The following LIPA variants were observed in gnomAD, a reference collection of about 807,000 sequenced individuals.
The protein encoded by LIPA is lipase A, lysosomal acid type, also known as lysosomal acid lipase/cholesteryl ester hydrolase.
In LIPA, 26 loss-of-function variants were observed where a neutral mutation model predicts 40.6. That is an observed-to-expected ratio of 0.64 (90% CI 0.47 to 0.89). LIPA has a LOEUF of 0.89. Ranked by LOEUF, LIPA falls within the 40% of genes least tolerant of loss-of-function variation. The pLI is 0.00. For synonymous variants in LIPA, 188 were observed against 168.4 expected, an observed-to-expected ratio of 1.12 and a Z score of -0.90; for missense variants, 455 against 479.6, an observed-to-expected ratio of 0.95 and a Z score of 0.48.
intron 3 of LIPA, among the ~76,000 whole-genome samples, chr10:89,235,324 G>C (rs1310568580): frequency 6.6e-6 from 1 of 152,218 alleles, no homozygotes; most frequent in East Asian, 1.9e-4. Flanking sequence ...GTGGCTCTGG[G>C]AGTTCTGTGC....
chr10:89,295,249 C>T (rs1432672232), intron 1 of LIPA, among the ~76,000 whole-genome samples: 1 of 152,066 alleles, frequency 6.6e-6, no homozygotes, highest in African/African-American at 2.4e-5. Context: ...TCAAGAGAAC[C>T]CACTGGGCTA....
intron 1 of LIPA, among the ~76,000 whole-genome samples, chr10:89,304,341 T>C (rs974831005): frequency 1.3e-5 from 2 of 152,120 alleles, no homozygotes; most frequent in African/African-American, 2.4e-5. Context: ...GAAAAGCTCA[T>C]GTCCAAACAG....
At chr10:89,230,719 G>T (rs1036377566) in intron 3 of LIPA, among the ~76,000 whole-genome samples, 4 of 152,176 alleles carry the variant, frequency 2.6e-5, no homozygotes, top group East Asian at 1.9e-4. Flanking sequence ...TCCCTGAAGA[G>T]TAGAAATGAT....
At chr10:89,351,366 T>A (rs1843957850) in intron 2 of LIPA, among the ~76,000 whole-genome samples, 1 of 152,134 alleles carries the variant, frequency 6.6e-6, no homozygotes, top group Non-Finnish European at 1.5e-5. Context: ...CCTACAATCA[T>A]AAATATGTAA....
chr10:89,284,548 A>T (rs936297054), intron 1 of LIPA: 13 of 152,210 alleles, frequency 8.5e-5, no homozygotes, highest in Non-Finnish European at 1.8e-4. Flanking sequence ...TAATAAAAAG[A>T]TTAGAATCAT....
intron 2 of LIPA, among the ~76,000 whole-genome samples, chr10:89,380,035 A>C (rs1844151274): frequency 7.3e-6 from 1 of 137,574 alleles, no homozygotes; most frequent in Admixed American, 7.1e-5. Flanking sequence ...ACTCCGTCTC[A>C]AAAAAAAAAA....
At chr10:89,324,958 G>T (rs1034518451) in intron 1 of LIPA, among the ~76,000 whole-genome samples, 1 of 152,060 alleles carries the variant, frequency 6.6e-6, no homozygotes, top group African/African-American at 2.4e-5. Context: ...ATTGCAAATA[G>T]TGCCGCAATA....
chr10:89,412,958 C>T (rs112702363), intron 1 of LIPA: 109 of 215,848 alleles, frequency 5.0e-4, no homozygotes, highest in African/African-American at 2.1e-3. Context: ...CCATCACCTA[C>T]GTATTAAGCT....
intron 2 of LIPA, among the ~76,000 whole-genome samples, chr10:89,382,127 T>C (rs1185816847): frequency 6.6e-6 from 1 of 152,108 alleles, no homozygotes; most frequent in Non-Finnish European, 1.5e-5. Context: ...CCATTTTTTG[T>C]GATTAGATTA....
At chr10:89,272,568 T>A (rs964145989) in intron 1 of LIPA, among the ~76,000 whole-genome samples, 1 of 152,234 alleles carries the variant, frequency 6.6e-6, no homozygotes, top group African/African-American at 2.4e-5. Context: ...TACGTGCATG[T>A]GTCTTTATAA....
At chr10:89,306,065 A>G in intron 1 of LIPA, 1 of 1,614,170 alleles carries the variant, frequency 6.2e-7, no homozygotes, top group Non-Finnish European at 8.5e-7. Context: ...TTTTGAAGAC[A>G]AAGTATTTTA....
chr10:89,289,868 A>G (rs1435575748), intron 1 of LIPA, among the ~76,000 whole-genome samples: 5 of 151,776 alleles, frequency 3.3e-5, no homozygotes, highest in Non-Finnish European at 7.4e-5. Context: ...AGCTATCTCC[A>G]CCACACTATC....
chr10:89,221,133 G>A (rs1186013682), intron 8 of LIPA, among the ~76,000 whole-genome samples: 1 of 152,082 alleles, frequency 6.6e-6, no homozygotes, highest in Non-Finnish European at 1.5e-5. Context: ...GTCGATTATG[G>A]TGATGGTTTC....
At position 89,222,514 on chromosome 10, in the gene LIPA, G is replaced by A. The variant is rs145066614; in HGVS notation, c.891C>T (p.Ser297=). The change falls in exon 8 of 10, where the codon AGC becomes AGT. Residue 297 remains serine, a synonymous_variant. Coordinates refer to ENST00000336233, the MANE Select transcript of LIPA (RefSeq NM_000235.4). ...AATGCACTCCTGGAATGCCTACCTG[G>A]CTCCAGTGTAACATGTTTTGCACAG... ...GTSVQNMLHW[S]QAVKFQKFQA... is the part of the protein sequence containing the mutation. The A allele has an allele frequency of 5.9e-4, 941 of 1,603,646 alleles. 2 individuals are homozygous for A. The highest frequency in any genetic ancestry group is 7.5e-4 in the Non-Finnish European group (882 of 1,170,524).
At chr10:89,413,601 T>C (rs972600376) in intron 1 of LIPA, among the ~76,000 whole-genome samples, 1 of 151,988 alleles carries the variant, frequency 6.6e-6, no homozygotes. Context: ...ACCCCGCCTC[T>C]ACAAAAAATA....
chr10:89,312,216 G>A (rs116908003), intron 1 of LIPA, among the ~76,000 whole-genome samples: 4 of 152,128 alleles, frequency 2.6e-5, no homozygotes, highest in South Asian at 2.1e-4. Context: ...TGAGGTGAGC[G>A]GATTGTTTGA....
At chr10:89,368,187 G>A (rs1405631087) in intron 2 of LIPA, among the ~76,000 whole-genome samples, 1 of 152,208 alleles carries the variant, frequency 6.6e-6, no homozygotes, top group Non-Finnish European at 1.5e-5. Context: ...CGACCTGGAG[G>A]AAAGGAGGGA....
In LIPA at chr10:89,306,980, A is replaced by G. The variant is rs1397852645; in HGVS notation, c.-2+35631T>C. On this transcript the variant is annotated intron_variant, in intron 1 of 5. Coordinates refer to the LIPA transcript ENST00000282673. ...CTTCCGTGTCTGTTCCATTCTTGCC[A>G]GCCTCCATGCTCTAGCAGATCAGTA... 7 of 1,613,970 alleles carry G rather than the reference A, an allele frequency of 4.3e-6. No homozygotes were observed. The Admixed American group carries it at 1.0e-4, about 23-fold the overall frequency.
intron 2 of LIPA, among the ~76,000 whole-genome samples, chr10:89,359,794 A>ATC (rs1361383616): frequency 6.9e-6 from 1 of 144,876 alleles, no homozygotes; most frequent in African/African-American, 2.6e-5. Flanking sequence ...CTCCCTCTCT[A>ATC]TCTATCTCTC....
Sources: allele counts gnomAD v4.1 joint callset (sites outside exome capture counted in the v4.1 genomes callset), GRCh38; gene constraint gnomAD v4.1.1; transcripts MANE v1.5; gene names NCBI Gene and HGNC (gene_info 2026-07-23, HGNC 2026-07-21).